IGF1R: variants seen among roughly 807,000 people sequenced by gnomAD.
IGF1R encodes insulin-like growth factor 1 receptor.
IGF1R carries 44 observed loss-of-function variants against 144.6 expected under a neutral mutation model. The ratio of observed to expected loss-of-function variants is 0.30; its 90% CI spans 0.24 to 0.39. The LOEUF (loss-of-function observed/expected upper bound fraction) is 0.39. Ranked by LOEUF, IGF1R falls within the 10% of genes least tolerant of loss-of-function variation. The pLI, the probability that IGF1R is intolerant of heterozygous loss-of-function variation, is 1.00. For synonymous variants in IGF1R, 795 were observed against 722.8 expected, an observed-to-expected ratio of 1.10 and a Z score of -1.60; for missense variants, 1,355 against 1,833.7, an observed-to-expected ratio of 0.74 and a Z score of 4.77.
At chr15:98,658,519 T>TCAA in intron 1 of IGF1R, among the ~76,000 whole-genome samples, 2 of 152,228 alleles carry the variant, frequency 1.3e-5, no homozygotes, top group Admixed American at 1.3e-4. Flanking sequence ...AGAATAGGTT[T>TCAA]TTTAAATTGA....
intron 18 of IGF1R, among the ~76,000 whole-genome samples, chr15:98,940,526 C>A (rs1396944127): frequency 1.3e-5 from 2 of 152,224 alleles, no homozygotes; most frequent in Non-Finnish European, 2.9e-5. Flanking sequence ...GCCTCAGCCT[C>A]CTGACTAGTT....
At chr15:98,650,581 G>C (rs1393782375) in intron 1 of IGF1R, among the ~76,000 whole-genome samples, 4 of 152,232 alleles carry the variant, frequency 2.6e-5, no homozygotes, top group African/African-American at 4.8e-5. Context: ...CGGAGCCGAC[G>C]TGCATTCCGA....
At position 98,871,296 on chromosome 15, in the gene IGF1R, G is replaced by A. The variant is rs538659050; in HGVS notation, c.641-20029G>A. Among the ~76,000 whole-genome samples the A allele has an allele frequency of 1.8e-4, 27 of 152,182 alleles. 1 individual carries two copies. Among genetic ancestry groups the A allele is most frequent in the Admixed American group, 9.2e-4 (14 of 15,280 alleles). ...TTGTTGAATAGAATTGTTTAGCATC[G>A]TCCATTTGTTAGAGCATTTCAGGAT... On this transcript the variant is annotated intron_variant, in intron 2 of 20. Coordinates refer to ENST00000650285, the MANE Select transcript of IGF1R (RefSeq NM_000875.5).
chr15:98,771,127 C>T (rs757418631), intron 2 of IGF1R, among the ~76,000 whole-genome samples: 5 of 152,088 alleles, frequency 3.3e-5, no homozygotes, highest in East Asian at 1.9e-4. Flanking sequence ...GGGGTCTTCA[C>T]GGAGGGGGAG....
At chr15:98,850,358 A>G (rs545443964) in intron 2 of IGF1R, among the ~76,000 whole-genome samples, 1 of 152,348 alleles carries the variant, frequency 6.6e-6, no homozygotes, top group Non-Finnish European at 1.5e-5. Flanking sequence ...ACCCTGTGGC[A>G]GAGACAAGCT....
intron 1 of IGF1R, among the ~76,000 whole-genome samples, chr15:98,667,947 G>A (rs555832483): frequency 2.6e-5 from 4 of 152,136 alleles, no homozygotes; most frequent in Admixed American, 1.3e-4. Flanking sequence ...GTTCTCTTAC[G>A]GGGCTGTATG....
rs3076065 is a variant in IGF1R at position 98,803,498 on chromosome 15, T to TTTTATTTATTTATTTATTTATTTATTTA, written c.641-87802_641-87801insTTATTTATTTATTTATTTATTTATTTAT. On this transcript the variant is annotated intron_variant, in intron 2 of 20. Transcript: ENST00000650285. ...TAGGCTACACTTAGTGAATATTACA[T>TTTTATTTATTTATTTATTTATTTATTTA]TTTATTTATTTATTTATTTATTTAT... Among the ~76,000 whole-genome samples, 904 of 144,698 alleles carry TTTTATTTATTTATTTATTTATTTATTTA rather than the reference T, an allele frequency of 6.2e-3. 6 individuals carry two copies. Among genetic ancestry groups the TTTTATTTATTTATTTATTTATTTATTTA allele is most frequent in the African/African-American group, 0.014 (566 of 39,402 alleles). The allele number at this position is 144,698 out of a possible 152,430, so 94.9% of individuals were successfully genotyped here.
intron 2 of IGF1R, among the ~76,000 whole-genome samples, chr15:98,819,305 C>A (rs1375625866): frequency 6.6e-6 from 1 of 152,164 alleles, no homozygotes; most frequent in Non-Finnish European, 1.5e-5. Context: ...ATGGAAAACC[C>A]TGCCACTGTC....
rs774941760 is a variant in IGF1R, at chr15:98,891,493, G to A, written c.809G>A (p.Arg270Lys). Residue 270 changes from arginine (R) to lysine (K), a missense_variant, in exon 3 of 21, where the codon AGG (arginine) becomes AAG (lysine). Transcript: ENST00000650285. The surrounding 1 kb of genome is among the most constrained non-coding windows in gnomAD (Gnocchi z 4.7). Reference protein sequence around the residue: ...CVPACPPNTYRFEGWRCVDRD... With the variant: ...CVPACPPNTYKFEGWRCVDRD... The stretch of plus-strand genomic sequence containing the variant: ...CCTGCCTGCCCGCCCAACACCTACA[G>A]GTTTGAGGGCTGGCGCTGTGTGGAC... The A allele has an allele frequency of 6.2e-7, 1 of 1,614,034 alleles. No homozygotes were observed. Among genetic ancestry groups the A allele is most frequent in the Non-Finnish European group, 8.5e-7 (1 of 1,180,040 alleles).
At position 98,891,186 on chromosome 15, in the gene IGF1R, G is replaced by A; in HGVS notation, c.641-139G>A. On this transcript the variant is annotated intron_variant, in intron 2 of 20. Coordinates refer to ENST00000650285, the MANE Select transcript of IGF1R (RefSeq NM_000875.5). This position sits in a 1 kb window ranked among gnomAD's most constrained non-coding sequence, Gnocchi z 4.7. ...GTGGTGGGGGTGAGGATTTCGTAGT[G>A]TGTTTTTGCATTGTCTCCTCAATGA... 3 of 776,162 alleles carry A rather than the reference G, an allele frequency of 3.9e-6. No homozygotes were observed. The South Asian group carries it at 4.4e-5, about 11-fold the overall frequency. 48.1% of individuals were successfully genotyped at this position (776,162 alleles called of 1,614,324 possible).
At chr15:98,657,687 A>G (rs1322175362) in intron 1 of IGF1R, among the ~76,000 whole-genome samples, 1 of 152,190 alleles carries the variant, frequency 6.6e-6, no homozygotes, top group Non-Finnish European at 1.5e-5. Context: ...TCGTAGGTAC[A>G]GAACTTTTGT....
chr15:98,670,994 T>C (rs1161003393), intron 1 of IGF1R, among the ~76,000 whole-genome samples: 1 of 152,202 alleles, frequency 6.6e-6, no homozygotes, highest in East Asian at 1.9e-4. Flanking sequence ...TGAGTTGTCA[T>C]ATTTGGAAGG....
At chr15:98,769,978 C>G (rs1274383413) in intron 2 of IGF1R, among the ~76,000 whole-genome samples, 2 of 152,170 alleles carry the variant, frequency 1.3e-5, no homozygotes, top group Non-Finnish European at 2.9e-5. Flanking sequence ...GTCTTAGCCT[C>G]TCTGTGGTCT....
intron 1 of IGF1R, among the ~76,000 whole-genome samples, chr15:98,672,137 A>G (rs992603702): frequency 5.3e-5 from 8 of 152,236 alleles, no homozygotes; most frequent in African/African-American, 1.9e-4. Context: ...ATATTTGGGC[A>G]CACGTTTCAT....
intron 2 of IGF1R, among the ~76,000 whole-genome samples, chr15:98,726,489 G>A (rs543183035): frequency 6.6e-6 from 1 of 152,048 alleles, no homozygotes; most frequent in African/African-American, 2.4e-5. Flanking sequence ...ACATGATGTG[G>A]GTTCTATTAG....
At chr15:98,869,529 G>A (rs904554452) in intron 2 of IGF1R, among the ~76,000 whole-genome samples, 7 of 151,146 alleles carry the variant, frequency 4.6e-5, no homozygotes, top group Non-Finnish European at 5.9e-5. Context: ...TCCACCTCTC[G>A]GGTTCAAGCG....
At chr15:98,888,097 C>G (rs1399348270) in intron 2 of IGF1R, among the ~76,000 whole-genome samples, 2 of 152,160 alleles carry the variant, frequency 1.3e-5, no homozygotes, top group Non-Finnish European at 2.9e-5. Flanking sequence ...TTTCCACTTT[C>G]AACTCCACAA....
intron 2 of IGF1R, among the ~76,000 whole-genome samples, chr15:98,745,958 G>C (rs944270598): frequency 6.6e-6 from 1 of 152,162 alleles, no homozygotes; most frequent in Non-Finnish European, 1.5e-5. Context: ...ATAGTAATAC[G>C]TTAGAAATAA....
intron 2 of IGF1R, among the ~76,000 whole-genome samples, chr15:98,876,326 A>AAG (rs56665864): frequency 3.3e-5 from 5 of 151,454 alleles, no homozygotes; most frequent in Non-Finnish European, 7.4e-5. Flanking sequence ...AAAAAAAAAA[A>AAG]AGAGAGAGAG....
Sources: gnomAD v4.1 joint callset for allele counts (sites outside exome capture counted in the v4.1 genomes callset) on GRCh38, gnomAD v4.1.1 for gene constraint, Gnocchi (gnomAD v3.1) non-coding constraint, MANE v1.5 for transcripts, NCBI Gene and HGNC (gene_info 2026-07-23, HGNC 2026-07-21) for gene names.